LDB2: variants seen among roughly 807,000 people sequenced by gnomAD.
LDB2 encodes the protein LIM domain binding 2.
Under a neutral mutation model 44.3 loss-of-function variants are expected in LDB2, and 12 were observed. The observed-to-expected ratio is 0.27, with a 90% CI of 0.17 to 0.44. The LOEUF (loss-of-function observed/expected upper bound fraction) is 0.44, where lower values mean the gene tolerates loss of function less well. LDB2 is among the 20% of genes least tolerant of loss of function. The pLI is 1.00. For synonymous variants in LDB2, 164 were observed against 174.8 expected, an observed-to-expected ratio of 0.94 and a Z score of 0.49; for missense variants, 344 against 473.5, an observed-to-expected ratio of 0.73 and a Z score of 2.54.
intron 1 of LDB2, among the ~76,000 whole-genome samples, chr4:16,892,401 T>C (rs1401955671): frequency 6.6e-6 from 1 of 152,206 alleles, no homozygotes; most frequent in Non-Finnish European, 1.5e-5. Flanking sequence ...GCTGCCAGAA[T>C]TTAAATTTTA....
intron 5 of LDB2, among the ~76,000 whole-genome samples, chr4:16,544,649 G>A (rs1466149172): frequency 6.6e-6 from 1 of 152,140 alleles, no homozygotes; most frequent in Non-Finnish European, 1.5e-5. Context: ...GGGGCTGGGA[G>A]ATAAGAGGGA....
chr4:16,543,326 T>A (rs917967009), intron 5 of LDB2, among the ~76,000 whole-genome samples: 1 of 152,230 alleles, frequency 6.6e-6, no homozygotes, highest in Non-Finnish European at 1.5e-5. Flanking sequence ...TTTCTAGTTC[T>A]AGATCCTTGA....
At chr4:16,808,225 A>G (rs1438687718) in intron 1 of LDB2, among the ~76,000 whole-genome samples, 1 of 152,208 alleles carries the variant, frequency 6.6e-6, no homozygotes, top group Non-Finnish European at 1.5e-5. Context: ...TGCCAGGAGG[A>G]GCTTCTCATT....
At chr4:16,697,276 C>G (rs1752361881) in intron 2 of LDB2, among the ~76,000 whole-genome samples, 1 of 149,996 alleles carries the variant, frequency 6.7e-6, no homozygotes, top group South Asian at 2.2e-4. Flanking sequence ...TACACACACA[C>G]ACACACACAC....
chr4:16,782,033 A>T (rs1018545889), intron 1 of LDB2, among the ~76,000 whole-genome samples: 4 of 152,222 alleles, frequency 2.6e-5, no homozygotes, highest in African/African-American at 9.6e-5. Flanking sequence ...GTTATTTTCA[A>T]GCCACCAGTG....
In LDB2 at chr4:16,511,997, C is replaced by A. The variant is rs1721935008; in HGVS notation, c.723G>T (p.Arg241Ser). ...LKTCLFQKWQ[R>S]MVAPPAEPTR... is the part of the protein sequence containing the mutation. ...AGGGTGTACCTGGCGGAGCCACCAT[C>A]CTCTGCCACTTCTGAAACAAGCAGG... The change falls in exon 6 of 8, where the codon AGG becomes AGT. Residue 241 changes from arginine (R) to serine (S), a missense_variant. By Grantham distance (110) the Arg-to-Ser change is moderately radical (BLOSUM62 -1). Transcript: ENST00000304523. 6.2e-7 allele frequency: 1 copy of A among 1,613,186 alleles called. No individual in the cohort carries two copies. The highest frequency in any genetic ancestry group is 1.1e-5 in the South Asian group (1 of 90,968).
chr4:16,691,682 T>C (rs1416747544), intron 2 of LDB2, among the ~76,000 whole-genome samples: 2 of 152,350 alleles, frequency 1.3e-5, no homozygotes, highest in East Asian at 3.9e-4. Context: ...TTGGCAGCTT[T>C]AGTTTCAGGC....
chr4:16,624,306 A>G (rs950626318), intron 2 of LDB2, among the ~76,000 whole-genome samples: 1 of 152,200 alleles, frequency 6.6e-6, no homozygotes, highest in Admixed American at 6.5e-5. Context: ...TATGTTGCCC[A>G]GGCTAGTCTC....
At chr4:16,549,768 G>C (rs1196327796) in intron 5 of LDB2, among the ~76,000 whole-genome samples, 2 of 152,196 alleles carry the variant, frequency 1.3e-5, no homozygotes, top group Non-Finnish European at 2.9e-5. Flanking sequence ...ATTAAGCTCA[G>C]ATCAGAAGTA....
intron 1 of LDB2, among the ~76,000 whole-genome samples, chr4:16,842,884 T>A (rs1786156579): frequency 6.6e-6 from 1 of 152,202 alleles, no homozygotes; most frequent in Admixed American, 6.5e-5. Flanking sequence ...AGGGCTACTG[T>A]GAGGATTAAA....
rs144739781 is a variant in LDB2, at chr4:16,579,708, T to C, written c.615+6214A>G. Among the ~76,000 whole-genome samples, 9 of 152,324 alleles carry C rather than the reference T, an allele frequency of 5.9e-5. No individual in the cohort carries two copies. The East Asian group carries it at 1.7e-3, about 29-fold the overall frequency. On this transcript the variant is annotated intron_variant, in intron 5 of 7. Coordinates refer to ENST00000304523, the MANE Select transcript of LDB2 (RefSeq NM_001290.5). ...TTTTAGAAATGAATCACATGTTTTT[T>C]TCTAGATGCTGTAGGGCAAATGAAT...
At chr4:16,666,468 G>T (rs1341431798) in intron 2 of LDB2, among the ~76,000 whole-genome samples, 1 of 152,202 alleles carries the variant, frequency 6.6e-6, no homozygotes, top group African/African-American at 2.4e-5. Context: ...TTCTGCCTCT[G>T]GAAGGAACCA....
rs182838366 is a variant in LDB2 at position 16,802,838 on chromosome 4, C to T, written c.133-43578G>A. Reference sequence around the variant, plus strand: ...TCTAAGGGCTCGTATTAGCTCCTGACGACCAGGATCATTAATTTCAGACCA... The same window carrying T: ...TCTAAGGGCTCGTATTAGCTCCTGATGACCAGGATCATTAATTTCAGACCA... On this transcript the variant is annotated intron_variant, in intron 1 of 7. Transcript: ENST00000304523. Among the ~76,000 whole-genome samples the T allele has an allele frequency of 1.8e-4, 27 of 152,200 alleles. 1 individual carries two copies. Among genetic ancestry groups the T allele is most frequent in the Middle Eastern group, 3.4e-3 (1 of 294 alleles).
intron 2 of LDB2, among the ~76,000 whole-genome samples, chr4:16,698,246 T>C (rs1480752384): frequency 6.6e-6 from 1 of 152,212 alleles, no homozygotes; most frequent in Non-Finnish European, 1.5e-5. Flanking sequence ...TGAACATGTG[T>C]CTTGATACAC....
chr4:16,586,419 G>A (rs1716814220), intron 4 of LDB2, among the ~76,000 whole-genome samples: 1 of 151,800 alleles, frequency 6.6e-6, no homozygotes, highest in Non-Finnish European at 1.5e-5. Context: ...TTCCTGCTGT[G>A]ATAGCGGTGG....
chr4:16,588,840 T>C lies in LDB2; in HGVS notation c.409-8A>G. 1 of 1,612,370 alleles carries C rather than the reference T, an allele frequency of 6.2e-7. No homozygotes were observed. Among genetic ancestry groups the C allele is most frequent in the Non-Finnish European group, 8.5e-7 (1 of 1,179,444 alleles). ...TCTGCCTTCTGTACATACCTGGAAG[T>C]GACAAACCACACAGTCATTCATTAC... On this transcript the variant is annotated splice_polypyrimidine_tract_variant and splice_region_variant and intron_variant, in intron 3 of 7. Coordinates refer to ENST00000304523, the MANE Select transcript of LDB2 (RefSeq NM_001290.5).
intron 5 of LDB2, among the ~76,000 whole-genome samples, chr4:16,563,614 A>G (rs937517520): frequency 1.3e-4 from 19 of 146,516 alleles, no homozygotes; most frequent in African/African-American, 4.9e-4. Context: ...ACGCCTGGCT[A>G]ATTTTTTTTT....
intron 2 of LDB2, among the ~76,000 whole-genome samples, chr4:16,706,375 T>C (rs1179176342): frequency 6.6e-6 from 1 of 152,178 alleles, no homozygotes; most frequent in African/African-American, 2.4e-5. Flanking sequence ...TTCTGCGACC[T>C]AAGGACACAT....
chr4:16,680,105 G>T (rs1321936923), intron 2 of LDB2, among the ~76,000 whole-genome samples: 1 of 152,088 alleles, frequency 6.6e-6, no homozygotes, highest in Admixed American at 6.6e-5. Context: ...TAGGATTAGT[G>T]CCCACATAAG....
Sources: gnomAD v4.1 joint callset for allele counts (sites outside exome capture counted in the v4.1 genomes callset) on GRCh38, gnomAD v4.1.1 for gene constraint, MANE v1.5 for transcripts, NCBI Gene and HGNC (gene_info 2026-07-23, HGNC 2026-07-21) for gene names.